LARGE1: variants seen among roughly 807,000 people sequenced by gnomAD.
The protein encoded by LARGE1 is LARGE xylosyl- and glucuronyltransferase 1, also known as xylosyl- and glucuronyltransferase LARGE1.
Under a neutral mutation model 87.6 loss-of-function variants are expected in LARGE1, and 43 were observed. The observed-to-expected ratio is 0.49, with a 90% CI of 0.38 to 0.63. The LOEUF is 0.63. Ranked by LOEUF, LARGE1 falls within the 30% of genes least tolerant of loss-of-function variation. The pLI, the probability that LARGE1 is intolerant of heterozygous loss-of-function variation, is 0.00. For synonymous variants in LARGE1, 434 were observed against 394.6 expected (o/e 1.10, Z -1.18); for missense variants, 802 against 1,000.2 (o/e 0.80, Z 2.67).
At chr22:33,182,814 T>A (rs1335691809) in intron 11 of LARGE1, among the ~76,000 whole-genome samples, 1 of 152,150 alleles carries the variant, frequency 6.6e-6, no homozygotes, top group Non-Finnish European at 1.5e-5. Flanking sequence ...AAAAGTCAAC[T>A]CAATGGATTA....
the LARGE1 span, among the ~76,000 whole-genome samples, chr22:33,077,467 T>A: frequency 3.3e-5 from 5 of 152,318 alleles, no homozygotes; most frequent in Non-Finnish European, 7.4e-5. Context: ...CTTCTTAATA[T>A]TTGGATTCCC....
chr22:33,615,671 C>CAAAAAAAAAAAAAAAAAAAAAAAAAAAA (rs3072281), intron 4 of LARGE1, among the ~76,000 whole-genome samples: 1 of 134,574 alleles, frequency 7.4e-6, no homozygotes, highest in Non-Finnish European at 1.6e-5. Flanking sequence ...TAAGGAAAAA[C>CAAAAAAAAAAAAAAAAAAAAAAAAAAAA]AAAAAAAAAA....
At position 33,239,920 on chromosome 22, in the gene LARGE1, T is replaced by A. The variant is rs1926434444; in HGVS notation, c.1730+64309A>T. Among the ~76,000 whole-genome samples, 3 of 152,194 alleles carry A rather than the reference T, an allele frequency of 2.0e-5. No homozygotes were observed. In the South Asian group the frequency reaches 6.2e-4, roughly 31 times the overall value. On this transcript the variant is annotated intron_variant, in intron 11 of 11. Transcript: ENST00000608642. ...AACTCTAGCACTAATCTTATGTCAG[T>A]TAAATGCATAGCAAATATCTCCTGA...
At chr22:33,594,640 C>T (rs1282288989) in intron 5 of LARGE1, among the ~76,000 whole-genome samples, 1 of 152,182 alleles carries the variant, frequency 6.6e-6, no homozygotes, top group Admixed American at 6.5e-5. Flanking sequence ...GAGTTTTGCT[C>T]TTGTCGCCCA....
At chr22:33,440,010 C>G (rs1428430647) in intron 6 of LARGE1, among the ~76,000 whole-genome samples, 1 of 152,164 alleles carries the variant, frequency 6.6e-6, no homozygotes, top group Non-Finnish European at 1.5e-5. Context: ...CCTCCTCTCT[C>G]TCTCTCCTGG....
chr22:33,740,689 G>A (rs953511839), intron 2 of LARGE1, among the ~76,000 whole-genome samples: 1 of 152,042 alleles, frequency 6.6e-6, no homozygotes, highest in African/African-American at 2.4e-5. Context: ...GCCACCTAGG[G>A]GAAACCTCCA....
intron 1 of LARGE1, among the ~76,000 whole-genome samples, chr22:33,787,447 A>T (rs1488463985): frequency 2.6e-5 from 4 of 152,172 alleles, no homozygotes; most frequent in African/African-American, 9.7e-5. Flanking sequence ...AGATTTCTAC[A>T]TTTGACACCT....
chr22:33,710,037 C>G (rs1385297975), intron 2 of LARGE1, among the ~76,000 whole-genome samples: 3 of 151,126 alleles, frequency 2.0e-5, no homozygotes, highest in Non-Finnish European at 4.4e-5. Context: ...TCCACTGTCC[C>G]TGTTGTCTAT....
chr22:33,771,015 G>C (rs62225419), intron 1 of LARGE1, among the ~76,000 whole-genome samples: 11,045 of 152,016 alleles, frequency 0.073, 518 homozygotes, highest in Admixed American at 0.11. Flanking sequence ...CAACCTGCAT[G>C]GTTTAAAATG....
chr22:33,129,535 A>G, the LARGE1 span, among the ~76,000 whole-genome samples: 1 of 152,216 alleles, frequency 6.6e-6, no homozygotes, highest in Non-Finnish European at 1.5e-5. Flanking sequence ...AAAGTATAAT[A>G]AAAAATATAT....
intron 11 of LARGE1, among the ~76,000 whole-genome samples, chr22:33,218,822 A>G (rs558140456): frequency 9.8e-5 from 15 of 152,312 alleles, no homozygotes; most frequent in Admixed American, 2.6e-4. Context: ...TTTCATTGCC[A>G]TAATATAGAG....
At chr22:33,711,166 G>C (rs573554101) in intron 2 of LARGE1, among the ~76,000 whole-genome samples, 19 of 152,298 alleles carry the variant, frequency 1.2e-4, no homozygotes, top group South Asian at 1.0e-3. Context: ...ACAAGGTGAA[G>C]CAAGGCAGGA....
In LARGE1 at chr22:33,803,740, C is replaced by T. The variant is rs552216813; in HGVS notation, c.-82-42182G>A. Reference sequence around the variant, plus strand: ...CCTCCAGCAATGAGCTGTGACCACACGTGTGAAAACATGTTTACGAGGGAA... The same window carrying T: ...CCTCCAGCAATGAGCTGTGACCACATGTGTGAAAACATGTTTACGAGGGAA... On this transcript the variant is annotated intron_variant, in intron 1 of 14. Transcript: ENST00000397394. Among the ~76,000 whole-genome samples, 8 of 152,340 alleles carry T rather than the reference C, an allele frequency of 5.3e-5. No homozygotes were observed. In the South Asian group the frequency reaches 1.0e-3, roughly 20 times the overall value.
Position 33,274,548 on chromosome 22 carries a change from A to G in LARGE1, c.2150T>C (p.Phe717Ser). Residue 717 changes from phenylalanine (F) to serine (S), a missense_variant, in exon 15 of 15, where the codon TTC (phenylalanine) becomes TCC (serine). This residue lies in a region of LARGE1 where 625 missense variants were observed against 841.9 expected (regional missense o/e 0.74). Transcript: ENST00000397394. ...GATGCGGTATTGCTTGTTGGAACGGAACTTGGTAATGTCGAAGCTGGGGGC... is the reference window on the plus strand; with the variant it reads ...GATGCGGTATTGCTTGTTGGAACGGGACTTGGTAATGTCGAAGCTGGGGGC... ...PHAPSFDITK[F>S]RSNKQYRICL... 1.2e-6 allele frequency: 2 copies of G among 1,613,974 alleles called. No homozygotes were observed. Among genetic ancestry groups the G allele is most frequent in the Non-Finnish European group, 1.7e-6 (2 of 1,179,978 alleles).
intron 3 of LARGE1, among the ~76,000 whole-genome samples, chr22:33,645,009 T>C (rs957872953): frequency 6.6e-6 from 1 of 152,220 alleles, no homozygotes; most frequent in Non-Finnish European, 1.5e-5. Flanking sequence ...TTCAATGCTA[T>C]TCCCATCAAG....
At chr22:33,578,268 T>C (rs5749633) in intron 5 of LARGE1, among the ~76,000 whole-genome samples, 33,541 of 152,098 alleles carry the variant, frequency 0.22, 4,576 homozygotes, top group East Asian at 0.35. Context: ...TAGAAGACGG[T>C]ACAAGGTACA....
At chr22:33,579,611 C>T (rs1184603716) in intron 5 of LARGE1, among the ~76,000 whole-genome samples, 4 of 152,176 alleles carry the variant, frequency 2.6e-5, no homozygotes, top group Non-Finnish European at 5.9e-5. Context: ...TTTGGAATTA[C>T]ATGGGCGCAC....
chr22:33,716,408 T>C (rs558163241), intron 2 of LARGE1, among the ~76,000 whole-genome samples: 3 of 152,214 alleles, frequency 2.0e-5, no homozygotes, highest in African/African-American at 7.2e-5. Context: ...TTTGTTGTTG[T>C]TGCTGTTGTT....
At chr22:33,372,951 A>G (rs945877033) in intron 9 of LARGE1, among the ~76,000 whole-genome samples, 1 of 152,212 alleles carries the variant, frequency 6.6e-6, no homozygotes, top group Non-Finnish European at 1.5e-5. Context: ...TGGTAAGGAT[A>G]GTTAAAAAGA....
Sources: gnomAD v4.1 joint callset for allele counts (sites outside exome capture counted in the v4.1 genomes callset) on GRCh38, gnomAD v4.1.1 for gene constraint, gnomAD v4.1.1 regional missense constraint, MANE v1.5 for transcripts, NCBI Gene and HGNC (gene_info 2026-07-23, HGNC 2026-07-21) for gene names.